METTL8: variants seen among roughly 807,000 people sequenced by gnomAD.
The protein encoded by METTL8 is tRNA N(3)-cytidine methyltransferase METTL8, mitochondrial.
In METTL8, 32 loss-of-function variants were observed where a neutral mutation model predicts 48.7. The ratio of observed to expected loss-of-function variants is 0.66; its 90% CI spans 0.50 to 0.88. METTL8 has a LOEUF of 0.88. Ranked by LOEUF, METTL8 falls within the 40% of genes least tolerant of loss-of-function variation. METTL8 has a pLI of 0.00. For synonymous variants in METTL8, 136 were observed against 157.1 expected (o/e 0.87, Z 1.01); for missense variants, 464 against 474.4 (o/e 0.98, Z 0.20).
upstream of METTL8, chr2:171,434,588 C>T: frequency 6.5e-7 from 1 of 1,527,760 alleles, no homozygotes; most frequent in Non-Finnish European, 8.7e-7. Flanking sequence ...ATGGGCCCGA[C>T]CCGGAAGCCC....
At chr2:171,359,302 C>A (rs1684915249) in intron 3 of METTL8, among the ~76,000 whole-genome samples, 1 of 151,954 alleles carries the variant, frequency 6.6e-6, no homozygotes, top group South Asian at 2.1e-4. Context: ...ATCAAAACCA[C>A]AATGAGATAT....
intron 1 of METTL8, among the ~76,000 whole-genome samples, chr2:171,410,722 T>G (rs1690663732): frequency 6.6e-6 from 1 of 152,274 alleles, no homozygotes; most frequent in African/African-American, 2.4e-5. Context: ...CCTTTTGCTT[T>G]CAGAGTAAGT....
chr2:171,397,553 CAAAAAAAAA>C (rs34936693), intron 1 of METTL8, among the ~76,000 whole-genome samples: 5 of 52,132 alleles, frequency 9.6e-5, no homozygotes, highest in Admixed American at 7.3e-4. Context: ...AACCCTGCCT[CAAAAAAAAA>C]AAAAAAAAAA....
At chr2:171,372,745 G>A (rs571564820) in intron 2 of METTL8, among the ~76,000 whole-genome samples, 1 of 151,946 alleles carries the variant, frequency 6.6e-6, no homozygotes, top group Non-Finnish European at 1.5e-5. Context: ...TTAGTTTTCT[G>A]TCCTTGCGAT....
rs533061285 is a variant in METTL8, at chr2:171,322,351, C to T, written c.*1821G>A. ...TCTTAAACAGAGCTTACCACTGATACCAGAAAGGGTCTGGATCCAGACGCC... is the reference window on the plus strand; with the variant it reads ...TCTTAAACAGAGCTTACCACTGATATCAGAAAGGGTCTGGATCCAGACGCC... On this transcript the variant is annotated 3_prime_UTR_variant, in exon 10 of 10. Coordinates refer to ENST00000375258, the MANE Select transcript of METTL8 (RefSeq NM_001321154.2). 1 of 152,002 alleles carries T rather than the reference C, an allele frequency of 6.6e-6. No homozygotes were observed. The highest frequency in any genetic ancestry group is 2.1e-4 in the South Asian group (1 of 4,826). 9.4% of individuals were successfully genotyped at this position (152,002 alleles called of 1,614,324 possible).
Position 171,337,490 on chromosome 2 carries a change from C to T in METTL8, c.619G>A (p.Ala207Thr), listed in dbSNP as rs1686244326. The change falls in exon 5 of 10, where the codon GCT (alanine) becomes ACT (threonine). Residue 207 changes from alanine to threonine, a missense_variant. By Grantham distance (58) the Ala-to-Thr change is moderately conservative. Transcript: ENST00000375258. ...TFRILEVGCGAGNSVFPILNT... is the reference protein window; with the variant it reads ...TFRILEVGCGTGNSVFPILNT... ...AAAATTGGAAACACACTATTTCCAG[C>T]TCCACAACCAACCTAAAATCAAAAG... is the stretch of plus-strand genomic sequence containing the variant. The T allele has an allele frequency of 6.2e-7, 1 of 1,605,760 alleles. No homozygotes were observed. Among genetic ancestry groups the T allele is most frequent in the Non-Finnish European group, 8.5e-7 (1 of 1,176,052 alleles).
rs1378845597 is a variant in METTL8, at chr2:171,321,770, TTA to T, written c.*2400_*2401del. On this transcript the variant is annotated 3_prime_UTR_variant, in exon 10 of 10. Coordinates refer to ENST00000375258, the MANE Select transcript of METTL8 (RefSeq NM_001321154.2). ...TTTTGTTTTGCCAGCTGTACTCTAT[TTA>T]TGCTCCCTGAAGAGCATAAACAAGG... 3 of 152,196 alleles carry T rather than the reference TTA, an allele frequency of 2.0e-5. No individual in the cohort carries two copies. The East Asian group carries it at 5.8e-4, about 29-fold the overall frequency. The allele number at this position is 152,196 out of a possible 1,614,324, so 9.4% of individuals were successfully genotyped here.
chr2:171,434,030 A>G (rs112059279), upstream of METTL8: 216 of 279,414 alleles, frequency 7.7e-4, 1 homozygote, highest in African/African-American at 3.1e-3. Flanking sequence ...TGCAGGGCGC[A>G]CACACGGGGC....
intron 3 of METTL8, among the ~76,000 whole-genome samples, chr2:171,353,392 G>A (rs1022388479): frequency 6.6e-6 from 1 of 152,164 alleles, no homozygotes; most frequent in African/African-American, 2.4e-5. Context: ...TTCTAACTAT[G>A]TGGTCAATTT....
rs1684465047 is a variant in METTL8 at position 171,320,315 on chromosome 2, G to A, written c.*3857C>T. ...GCTGGACAGAGCCCAAAAGAGACCA[G>A]TTTGTGTCTCACAGTCCAAATTTGG... is the stretch of plus-strand genomic sequence containing the variant. On this transcript the variant is annotated 3_prime_UTR_variant, in exon 10 of 10. Coordinates refer to ENST00000375258, the MANE Select transcript of METTL8 (RefSeq NM_001321154.2). 1 of 152,142 alleles carries A rather than the reference G, an allele frequency of 6.6e-6. No individual in the cohort carries two copies. Among genetic ancestry groups the A allele is most frequent in the African/African-American group, 2.4e-5 (1 of 41,420 alleles). The allele number at this position is 152,142 out of a possible 1,614,324, so 9.4% of individuals were successfully genotyped here. A position where few individuals can be genotyped will look rare whatever the true frequency, so the allele number is the denominator to read the frequency against.
At chr2:171,329,396 T>C (rs1364771046) in intron 7 of METTL8, among the ~76,000 whole-genome samples, 1 of 152,250 alleles carries the variant, frequency 6.6e-6, no homozygotes, top group Admixed American at 6.5e-5. Context: ...ATGTTTCTTG[T>C]TATGGGTGTC....
chr2:171,349,529 A>C (rs1165603357), intron 3 of METTL8, among the ~76,000 whole-genome samples: 1 of 152,142 alleles, frequency 6.6e-6, no homozygotes, highest in African/African-American at 2.4e-5. Context: ...ATTCCATTTT[A>C]TGTATATACC....
intron 1 of METTL8, among the ~76,000 whole-genome samples, chr2:171,412,500 C>T (rs1251055765): frequency 1.3e-5 from 2 of 152,062 alleles, no homozygotes; most frequent in Non-Finnish European, 2.9e-5. Flanking sequence ...TTCACGAATT[C>T]CTGGGGAACC....
intron 2 of METTL8, among the ~76,000 whole-genome samples, chr2:171,363,792 TTATATATATA>T (rs200347847): frequency 3.1e-5 from 3 of 97,454 alleles, no homozygotes; most frequent in East Asian, 2.3e-4. Flanking sequence ...TCCCCAAATT[TTATATATATA>T]TATATATATA....
intron 2 of METTL8, 98 bp downstream of exon 2, chr2:171,391,945 A>G: frequency 1.6e-6 from 2 of 1,251,082 alleles, no homozygotes; most frequent in East Asian, 5.1e-5. Context: ...GAGTTAGGTC[A>G]TCAGCTTTAA....
intron 1 of METTL8, among the ~76,000 whole-genome samples, chr2:171,404,550 ACTT>A (rs1485878109): frequency 6.6e-6 from 1 of 152,026 alleles, no homozygotes; most frequent in Non-Finnish European, 1.5e-5. Context: ...GCAGTCTAAA[ACTT>A]CTGCCTTGTT....
At chr2:171,362,595 A>AAATC (rs1553516249) in intron 2 of METTL8, among the ~76,000 whole-genome samples, 117 of 151,282 alleles carry the variant, frequency 7.7e-4, no homozygotes, top group African/African-American at 2.8e-3. Context: ...ATAAATAAAT[A>AAATC]AATAAATCAA....
intron 1 of METTL8, among the ~76,000 whole-genome samples, chr2:171,407,865 C>T (rs1690346408): frequency 6.6e-6 from 1 of 152,126 alleles, no homozygotes. Context: ...TCTGAGTATA[C>T]AGCACACTGT....
chr2:171,402,977 G>C (rs1400787387), intron 1 of METTL8, among the ~76,000 whole-genome samples: 1 of 152,064 alleles, frequency 6.6e-6, no homozygotes, highest in East Asian at 1.9e-4. Context: ...ACAACCCAAA[G>C]TATAAAATAA....
Sources: gnomAD v4.1 joint callset for allele counts (sites outside exome capture counted in the v4.1 genomes callset) on GRCh38, gnomAD v4.1.1 for gene constraint, MANE v1.5 for transcripts, NCBI Gene and HGNC (gene_info 2026-07-23, HGNC 2026-07-21) for gene names.